PDLIM5: variants seen among roughly 807,000 people sequenced by gnomAD.
The protein encoded by PDLIM5 is PDZ and LIM domain 5.
In PDLIM5, 34 loss-of-function variants were observed where a neutral mutation model predicts 64.2. The ratio of observed to expected loss-of-function variants is 0.53; its 90% confidence interval spans 0.40 to 0.71. The LOEUF (loss-of-function observed/expected upper bound fraction) is 0.71, where lower values mean the gene tolerates loss of function less well. PDLIM5 is among the 30% of genes least tolerant of loss of function. PDLIM5 has a pLI of 0.00. For missense variants in PDLIM5, 683 were observed against 733.6 expected, an observed-to-expected ratio of 0.93 and a Z score of 0.80; for synonymous variants, 253 against 269.1, an observed-to-expected ratio of 0.94 and a Z score of 0.59.
At chr4:94,456,064 T>C (rs970544982) in intron 2 of PDLIM5, 23 of 1,154,244 alleles carry the variant, frequency 2.0e-5, no homozygotes, top group Admixed American at 3.3e-5. Context: ...GAGACTTGAC[T>C]ATATGTCAGG....
Position 94,664,966 on chromosome 4 carries a change from G to C in PDLIM5, c.*899G>C, listed in dbSNP as rs1480473158. 4 of 981,322 alleles carry C rather than the reference G, an allele frequency of 4.1e-6. No individual in the cohort carries two copies. Among genetic ancestry groups the C allele is most frequent in the East Asian group, 1.1e-4 (1 of 8,808 alleles). The allele number at this position is 981,322 out of a possible 1,614,324, so 60.8% of individuals were successfully genotyped here. Reference sequence around the variant, plus strand: ...TTTTTTATCAAAATGTGTCATGCCAGTAAGAGATGTTATATTCTTTTCTCA... The same window carrying C: ...TTTTTTATCAAAATGTGTCATGCCACTAAGAGATGTTATATTCTTTTCTCA... On this transcript the variant is annotated 3_prime_UTR_variant, in exon 13 of 13. Coordinates refer to ENST00000317968, the MANE Select transcript of PDLIM5 (RefSeq NM_006457.5).
intron 2 of PDLIM5, among the ~76,000 whole-genome samples, chr4:94,485,163 T>G (rs1330973330): frequency 6.6e-6 from 1 of 152,204 alleles, no homozygotes; most frequent in Non-Finnish European, 1.5e-5. Context: ...GTGTAATGGA[T>G]ATCTGTTACT....
At chr4:94,639,103 T>C (rs1468785259) in intron 8 of PDLIM5, among the ~76,000 whole-genome samples, 1 of 152,150 alleles carries the variant, frequency 6.6e-6, no homozygotes, top group African/African-American at 2.4e-5. Context: ...AAGTAGTGGT[T>C]ACTAGGTAAA....
At chr4:94,608,404 C>G (rs1738102581) in intron 7 of PDLIM5, among the ~76,000 whole-genome samples, 1 of 152,092 alleles carries the variant, frequency 6.6e-6, no homozygotes, top group Admixed American at 6.6e-5. Flanking sequence ...AAATCTCTTT[C>G]ATTTATTCAC....
At chr4:94,534,360 G>A (rs1459932378) in intron 3 of PDLIM5, among the ~76,000 whole-genome samples, 3 of 151,870 alleles carry the variant, frequency 2.0e-5, no homozygotes, top group Admixed American at 1.3e-4. Context: ...CCTTCCTCAG[G>A]ACTACCATTT....
At chr4:94,568,517 T>C (rs1312289093) in intron 3 of PDLIM5, among the ~76,000 whole-genome samples, 4 of 152,170 alleles carry the variant, frequency 2.6e-5, no homozygotes. Flanking sequence ...AATTATGTAA[T>C]CTCTTCATTC....
chr4:94,539,555 G>A (rs1731600475), intron 3 of PDLIM5, among the ~76,000 whole-genome samples: 1 of 152,172 alleles, frequency 6.6e-6, no homozygotes, highest in Admixed American at 6.5e-5. Context: ...GCATCTCTCA[G>A]TTCAAGAAGC....
intron 7 of PDLIM5, chr4:94,586,957 C>CAT: frequency 8.4e-7 from 1 of 1,195,088 alleles, no homozygotes; most frequent in Non-Finnish European, 1.1e-6. Flanking sequence ...TTCTATCACT[C>CAT]TTTTTTTTTT....
At chr4:94,575,451 C>T (rs183636465) in intron 4 of PDLIM5, among the ~76,000 whole-genome samples, 165 bp from the exon 5 acceptor site, 2 of 152,162 alleles carry the variant, frequency 1.3e-5, no homozygotes, top group South Asian at 2.1e-4. Flanking sequence ...TTAGCATGCA[C>T]GTTATGCTTT....
chr4:94,620,985 C>CGTTTGG (rs1281768530), intron 8 of PDLIM5, among the ~76,000 whole-genome samples: 1 of 143,534 alleles, frequency 7.0e-6, no homozygotes, highest in African/African-American at 2.5e-5. Context: ...GCAGGAGAAT[C>CGTTTGG]ACTTGAACCC....
In PDLIM5 at chr4:94,575,921, T is replaced by G. The variant is rs1348208049; in HGVS notation, c.597T>G (p.Thr199=). The G allele has an allele frequency of 6.2e-7, 1 of 1,614,144 alleles. No individual in the cohort carries two copies. The highest frequency in any genetic ancestry group is 1.7e-5 in the Admixed American group (1 of 60,032). Residue 199 remains threonine (T), a synonymous_variant, in exon 5 of 13, where the codon ACT becomes ACG. Coordinates refer to ENST00000317968, the MANE Select transcript of PDLIM5 (RefSeq NM_006457.5). ...CATCTGCACTGAGCGCTGGTAAAAC[T>G]GCAGTTAATGTCCCACGGCAGCCCA... ...QSPSALSAGK[T]AVNVPRQPTV...
At chr4:94,597,619 A>G (rs1465180325) in intron 7 of PDLIM5, among the ~76,000 whole-genome samples, 2 of 150,410 alleles carry the variant, frequency 1.3e-5, no homozygotes, top group Admixed American at 6.7e-5. Context: ...GTGATTCTAA[A>G]TGGTTCTCAC....
At chr4:94,657,813 T>C (rs1166122255) in intron 11 of PDLIM5, among the ~76,000 whole-genome samples, 1 of 152,104 alleles carries the variant, frequency 6.6e-6, no homozygotes, top group Admixed American at 6.5e-5. Context: ...TTCAGGCGAT[T>C]CTCCTGCCTC....
At chr4:94,497,772 T>C (rs1200099317) in intron 2 of PDLIM5, among the ~76,000 whole-genome samples, 1 of 152,200 alleles carries the variant, frequency 6.6e-6, no homozygotes, top group African/African-American at 2.4e-5. Flanking sequence ...GTATATCTAA[T>C]GGGCCATCCT....
intron 3 of PDLIM5, among the ~76,000 whole-genome samples, chr4:94,531,704 ACTTT>A (rs1415460560): frequency 2.6e-5 from 4 of 152,156 alleles, no homozygotes; most frequent in African/African-American, 9.7e-5. Context: ...TGCCCTCCTT[ACTTT>A]CTTTGCTGTG....
At chr4:94,533,026 G>A (rs1040898591) in intron 3 of PDLIM5, among the ~76,000 whole-genome samples, 5 of 152,122 alleles carry the variant, frequency 3.3e-5, no homozygotes, top group Admixed American at 2.6e-4. Flanking sequence ...ATGTTTTAGG[G>A]ACTGTTTCGT....
chr4:94,604,597 G>A (rs549700440), intron 7 of PDLIM5, among the ~76,000 whole-genome samples: 3 of 152,136 alleles, frequency 2.0e-5, no homozygotes, highest in Non-Finnish European at 2.9e-5. Context: ...TTGTGCCACT[G>A]TACTCCAGCC....
intron 3 of PDLIM5, among the ~76,000 whole-genome samples, chr4:94,572,910 T>C (rs1578400378): frequency 6.6e-6 from 1 of 152,354 alleles, no homozygotes; most frequent in South Asian, 2.1e-4. Context: ...CCCAATATCC[T>C]GTGGATGTTG....
intron 3 of PDLIM5, among the ~76,000 whole-genome samples, chr4:94,529,344 C>T (rs1156693462): frequency 1.3e-5 from 2 of 152,090 alleles, no homozygotes; most frequent in Non-Finnish European, 2.9e-5. Context: ...TCTCCTCCAC[C>T]TAAGAATTCC....
Sources: allele counts gnomAD v4.1 joint callset (sites outside exome capture counted in the v4.1 genomes callset), GRCh38; gene constraint gnomAD v4.1.1; transcripts MANE v1.5; gene names NCBI Gene and HGNC (gene_info 2026-07-23, HGNC 2026-07-21).